Variants in SCCPDH observed in about 807,000 individuals in gnomAD.
SCCPDH encodes saccharopine dehydrogenase-like oxidoreductase.
A neutral mutation model predicts 51.5 loss-of-function variants in SCCPDH; 34 were observed. The observed-to-expected ratio is 0.66, with a 90% confidence interval of 0.50 to 0.88. SCCPDH has a LOEUF of 0.88. Ranked by LOEUF, SCCPDH falls within the 40% of genes least tolerant of loss-of-function variation. The pLI, the probability that SCCPDH is intolerant of heterozygous loss-of-function variation, is 0.00. For synonymous variants in SCCPDH, 187 were observed against 191.3 expected (o/e 0.98, Z 0.19); for missense variants, 464 against 527.1 (o/e 0.88, Z 1.17).
intron 2 of SCCPDH, among the ~76,000 whole-genome samples, chr1:246,733,393 T>TTA (rs1444075359): frequency 4.0e-5 from 6 of 151,354 alleles, no homozygotes; most frequent in Admixed American, 2.0e-4. Context: ...GGCCATGTGT[T>TTA]TATATATATA....
chr1:246,732,576 C>T (rs1668507451), intron 2 of SCCPDH, among the ~76,000 whole-genome samples: 1 of 152,104 alleles, frequency 6.6e-6, no homozygotes, highest in Admixed American at 6.5e-5. Flanking sequence ...TTAGTCGAGA[C>T]AGGGTTTTAC....
At chr1:246,725,250 G>C (rs1245074843) in intron 1 of SCCPDH, among the ~76,000 whole-genome samples, 4 of 114,482 alleles carry the variant, frequency 3.5e-5, no homozygotes, top group Non-Finnish European at 6.9e-5. Context: ...GATAATCTAA[G>C]CATTCAGGTA....
At chr1:246,750,172 G>C (rs553011734) in intron 5 of SCCPDH, among the ~76,000 whole-genome samples, 1 of 152,168 alleles carries the variant, frequency 6.6e-6, no homozygotes, top group Non-Finnish European at 1.5e-5. Flanking sequence ...GCGGGTTCGA[G>C]TTTTCCTTCC....
In SCCPDH at chr1:246,731,923, C is replaced by T. The variant is rs1055430453; in HGVS notation, c.304-4052C>T. On this transcript the variant is annotated intron_variant, in intron 2 of 11. Coordinates refer to ENST00000366510, the MANE Select transcript of SCCPDH (RefSeq NM_016002.3). Reference sequence around the variant, plus strand: ...GTTCCCCACCCTGTGTCCAAGTGTTCTCATTGTTCAGTTCCCACCTGTGAG... The same window carrying T: ...GTTCCCCACCCTGTGTCCAAGTGTTTTCATTGTTCAGTTCCCACCTGTGAG... Among the ~76,000 whole-genome samples, 7 of 146,516 alleles carry T rather than the reference C, an allele frequency of 4.8e-5. No individual in the cohort carries two copies. In the Admixed American group the frequency reaches 5.0e-4, roughly 10 times the overall value.
chr1:246,724,462 G>T lies in SCCPDH; in HGVS notation c.40G>T (p.Gly14Cys), dbSNP rs1371675500. Reference protein sequence around the residue: ...EQRPFHLVVFGASGFTGQFVT... With the variant: ...EQRPFHLVVFCASGFTGQFVT... ...GAGGCCTTTCCACCTGGTGGTGTTC[G>T]GCGCGTCTGGCTTCACCGGCCAGTT... The change falls in exon 1 of 12, where the codon GGC (glycine) becomes TGC (cysteine). Residue 14 changes from glycine to cysteine, a missense_variant. Transcript: ENST00000366510. The T allele has an allele frequency of 6.3e-7, 1 of 1,590,386 alleles. No homozygotes were observed. The highest frequency in any genetic ancestry group is 8.5e-7 in the Non-Finnish European group (1 of 1,171,142).
intron 10 of SCCPDH, 79 bp downstream of exon 10, chr1:246,764,436 C>A (rs1669060790): frequency 7.5e-6 from 5 of 664,396 alleles, no homozygotes; most frequent in Middle Eastern, 5.6e-4. Context: ...ACAATATATT[C>A]TTTTTAAAGC....
chr1:246,764,231 C>G lies in SCCPDH; in HGVS notation c.991-15C>G, dbSNP rs779986750. 1 of 1,561,304 alleles carries G rather than the reference C, an allele frequency of 6.4e-7. No individual in the cohort carries two copies. Among genetic ancestry groups the G allele is most frequent in the East Asian group, 2.2e-5 (1 of 44,570 alleles). On this transcript the variant is annotated splice_polypyrimidine_tract_variant and intron_variant, in intron 9 of 11. Coordinates refer to ENST00000366510, the MANE Select transcript of SCCPDH (RefSeq NM_016002.3). ...ACGTATTTATGAAATGCGCCCTTTG[C>G]CTTCTCCTTCACAGATTGATGCTGC...
chr1:246,735,974 G>T lies in SCCPDH; in HGVS notation c.304-1G>T, dbSNP rs1475060355. The T allele has an allele frequency of 6.2e-7, 1 of 1,601,762 alleles. No homozygotes were observed. The stretch of plus-strand genomic sequence containing the variant: ...CCTCTTTGTTCTTTTTGTTTCCCTA[G>T]TATCGGTTTTATGGAGAACCTGTAA... On this transcript the variant is annotated splice_acceptor_variant, in intron 2 of 11. Coordinates refer to ENST00000366510, the MANE Select transcript of SCCPDH (RefSeq NM_016002.3). LOFTEE classifies it high-confidence loss of function.
At chr1:246,761,037 C>T (rs1353844902) in intron 9 of SCCPDH, among the ~76,000 whole-genome samples, 1 of 152,054 alleles carries the variant, frequency 6.6e-6, no homozygotes, top group Non-Finnish European at 1.5e-5. Context: ...CATCATTGTT[C>T]CCATCCTGAC....
rs972003346 is a variant in SCCPDH at position 246,757,247 on chromosome 1, G to A, written c.565-979G>A. ...TAATCCCAGCTACTCGGGAGGTTGAGACAGGAGAATTGCTTGAACCTAGGA... is the reference window on the plus strand; with the variant it reads ...TAATCCCAGCTACTCGGGAGGTTGAAACAGGAGAATTGCTTGAACCTAGGA... On this transcript the variant is annotated intron_variant, in intron 5 of 11. Transcript: ENST00000366510. 2.0e-5 allele frequency among the ~76,000 whole-genome samples: 3 copies of A among 149,058 alleles called. 1 individual carries two copies. The highest frequency in any genetic ancestry group is 6.8e-5 in the Admixed American group (1 of 14,652).
At chr1:246,742,995 T>C (rs1668702307) in intron 4 of SCCPDH, among the ~76,000 whole-genome samples, 1 of 152,236 alleles carries the variant, frequency 6.6e-6, no homozygotes, top group Admixed American at 6.5e-5. Context: ...TTTTATATGC[T>C]ATCACAGAGG....
chr1:246,764,459 G>C (rs923643877), intron 10 of SCCPDH, 102 bp downstream of exon 10: 1 of 562,474 alleles, frequency 1.8e-6, no homozygotes, highest in African/African-American at 1.9e-5. Context: ...AATTGTTTTA[G>C]AAATACATTT....
At chr1:246,746,780 G>A (rs1341152868) in intron 5 of SCCPDH, among the ~76,000 whole-genome samples, 2 of 152,242 alleles carry the variant, frequency 1.3e-5, no homozygotes, top group Admixed American at 6.5e-5. Context: ...GGCAGAGGTT[G>A]CAGTGAGCCG....
intron 2 of SCCPDH, among the ~76,000 whole-genome samples, chr1:246,733,906 G>A (rs1463548836): frequency 6.6e-6 from 1 of 152,212 alleles, no homozygotes; most frequent in African/African-American, 2.4e-5. Flanking sequence ...AAAAAACAGA[G>A]GGAAATCCTA....
chr1:246,751,400 G>C (rs1471090548), intron 5 of SCCPDH, among the ~76,000 whole-genome samples: 1 of 152,180 alleles, frequency 6.6e-6, no homozygotes. Flanking sequence ...TTTACACACA[G>C]AATTTCCTTT....
chr1:246,740,256 A>G lies in SCCPDH; in HGVS notation c.469A>G (p.Ile157Val). Residue 157 changes from isoleucine (I) to valine (V), a missense_variant, in exon 4 of 12, where the codon ATT (isoleucine) becomes GTT (valine). Physicochemically the swap from Ile to Val is conservative, Grantham distance 29. Coordinates refer to ENST00000366510, the MANE Select transcript of SCCPDH (RefSeq NM_016002.3). The part of the protein sequence containing the change: ...YIIGSSGFDS[I>V]PADLGVIYTR... ...CATTGGAAGCAGCGGCTTTGACTCC[A>G]TTCCAGCAGATCTGGGAGTAATATA... 6.2e-7 allele frequency: 1 copy of G among 1,610,572 alleles called. No homozygotes were observed. Among genetic ancestry groups the G allele is most frequent in the African/African-American group, 1.3e-5 (1 of 75,034 alleles).
At position 246,740,175 on chromosome 1, in the gene SCCPDH, C is replaced by G. The variant is rs752710091; in HGVS notation, c.388C>G (p.Leu130Val). Reference protein sequence around the residue: ...CIDISGEPQFLELMQLKYHEK... With the variant: ...CIDISGEPQFVELMQLKYHEK... ...ATTCTTATCCTGGATTTTTTAGTTT[C>G]TGGAACTAATGCAACTGAAGTATCA... Residue 130 changes from leucine to valine, a missense_variant, in exon 4 of 12, where the codon CTG (leucine) becomes GTG (valine). By Grantham distance (32) the Leu-to-Val change is conservative. Transcript: ENST00000366510. The G allele has an allele frequency of 1.9e-6, 3 of 1,573,138 alleles. No individual in the cohort carries two copies. The highest frequency in any genetic ancestry group is 1.8e-5 in the Admixed American group (1 of 56,614).
chr1:246,755,583 T>C (rs527746630), intron 5 of SCCPDH: 1 of 152,468 alleles, frequency 6.6e-6, no homozygotes, highest in Non-Finnish European at 1.5e-5. Context: ...TGCTTTGGAA[T>C]TAGGCACACA....
At chr1:246,753,729 C>T (rs1364660875) in intron 5 of SCCPDH, among the ~76,000 whole-genome samples, 4 of 151,888 alleles carry the variant, frequency 2.6e-5, no homozygotes, top group South Asian at 2.1e-4. Context: ...TTTCTTCCCC[C>T]GAGAAGAGAG....
Sources: gnomAD v4.1 joint callset for allele counts (sites outside exome capture counted in the v4.1 genomes callset) on GRCh38, gnomAD v4.1.1 for gene constraint, MANE v1.5 for transcripts, NCBI Gene and HGNC (gene_info 2026-07-23, HGNC 2026-07-21) for gene names.